ANO4: variants seen among roughly 807,000 people sequenced by gnomAD.
The protein encoded by ANO4 is anoctamin 4.
Under a neutral mutation model 141.9 loss-of-function variants are expected in ANO4, and 69 were observed. That is an observed-to-expected ratio of 0.49 (90% CI 0.40 to 0.59). ANO4 has a LOEUF of 0.59. Ranked by LOEUF, ANO4 falls within the 20% of genes least tolerant of loss-of-function variation. The probability of loss-of-function intolerance (pLI) is 0.00; values close to 1 mark genes in which losing one functional copy is unlikely to be tolerated. For missense variants in ANO4, 894 were observed against 1,162.2 expected, an observed-to-expected ratio of 0.77 and a Z score of 3.36; for synonymous variants, 350 against 394.3, an observed-to-expected ratio of 0.89 and a Z score of 1.33.
At chr12:101,112,232 C>T (rs1284595395) in intron 24 of ANO4, among the ~76,000 whole-genome samples, 1 of 152,092 alleles carries the variant, frequency 6.6e-6, no homozygotes, top group Non-Finnish European at 1.5e-5. Flanking sequence ...AAGTGAATGA[C>T]TTTTTCATGG....
chr12:100,738,556 A>G (rs1021031561), intron 2 of ANO4, among the ~76,000 whole-genome samples: 3 of 152,206 alleles, frequency 2.0e-5, no homozygotes, highest in African/African-American at 4.8e-5. Context: ...CTATAATTTT[A>G]TATAAGAAAT....
chr12:101,072,977 C>G (rs1352172032), intron 14 of ANO4, among the ~76,000 whole-genome samples: 1 of 152,224 alleles, frequency 6.6e-6, no homozygotes, highest in African/African-American at 2.4e-5. Flanking sequence ...CGCTTTTACA[C>G]TGTTCATGGG....
At chr12:100,828,408 C>T (rs2036472746) in intron 1 of ANO4, among the ~76,000 whole-genome samples, 1 of 151,994 alleles carries the variant, frequency 6.6e-6, no homozygotes, top group Admixed American at 6.6e-5. Flanking sequence ...TTTCCCCATC[C>T]TTTAGCATTT....
chr12:100,825,682 G>C (rs1431032472), intron 1 of ANO4, among the ~76,000 whole-genome samples: 2 of 151,988 alleles, frequency 1.3e-5, no homozygotes, highest in African/African-American at 4.8e-5. Context: ...TCCCAGCTTG[G>C]TGTGAAAATT....
At chr12:101,101,103 T>G (rs1004921029) in intron 22 of ANO4, among the ~76,000 whole-genome samples, 6 of 152,196 alleles carry the variant, frequency 3.9e-5, no homozygotes, top group Non-Finnish European at 8.8e-5. Flanking sequence ...AAAGCCTTCT[T>G]TATTTCTAGA....
chr12:101,027,656 C>A (rs529446557), intron 9 of ANO4, among the ~76,000 whole-genome samples: 1 of 152,280 alleles, frequency 6.6e-6, no homozygotes, highest in Non-Finnish European at 1.5e-5. Flanking sequence ...TATGGTGGGG[C>A]TTCCCTACAG....
At chr12:100,816,203 T>A (rs1397716354) in intron 1 of ANO4, among the ~76,000 whole-genome samples, 1 of 152,072 alleles carries the variant, frequency 6.6e-6, no homozygotes, top group Non-Finnish European at 1.5e-5. Context: ...ATCTCTGTCC[T>A]TATGGAGTCT....
At chr12:100,802,821 C>T (rs1277236737) in intron 1 of ANO4, among the ~76,000 whole-genome samples, 1 of 152,168 alleles carries the variant, frequency 6.6e-6, no homozygotes, top group Admixed American at 6.6e-5. Context: ...CTGCTATTAT[C>T]TTCACATTTG....
At chr12:100,799,704 G>T (rs1002095966) in intron 1 of ANO4, among the ~76,000 whole-genome samples, 8 of 152,116 alleles carry the variant, frequency 5.3e-5, no homozygotes, top group African/African-American at 1.7e-4. Flanking sequence ...TTGCGCCATT[G>T]CACTCCAGCC....
At chr12:100,937,426 G>A (rs1419881253) in intron 3 of ANO4, among the ~76,000 whole-genome samples, 3 of 152,168 alleles carry the variant, frequency 2.0e-5, no homozygotes, top group Non-Finnish European at 4.4e-5. Context: ...ACATCCAGTG[G>A]TCAGGGAAGT....
chr12:100,815,105 G>T (rs1392697285), intron 1 of ANO4, among the ~76,000 whole-genome samples: 1 of 152,018 alleles, frequency 6.6e-6, no homozygotes, highest in Non-Finnish European at 1.5e-5. Flanking sequence ...AAGTGATGGT[G>T]GGGGGAATGG....
chr12:101,038,277 C>A (rs1368132685), intron 10 of ANO4: 2 of 152,204 alleles, frequency 1.3e-5, no homozygotes, highest in African/African-American at 4.8e-5. Flanking sequence ...CATGTGGCTT[C>A]ATCATGTCAT....
chr12:100,806,523 C>CTTTTTT (rs1593379234), intron 1 of ANO4, among the ~76,000 whole-genome samples: 2,871 of 44,924 alleles, frequency 0.064, 842 homozygotes, highest in Non-Finnish European at 0.082. Flanking sequence ...TTTTTTGTTT[C>CTTTTTT]GTTTTTTTTT....
At chr12:100,781,992 G>T (rs574372770) in intron 3 of ANO4, among the ~76,000 whole-genome samples, 1 of 152,102 alleles carries the variant, frequency 6.6e-6, no homozygotes, top group Non-Finnish European at 1.5e-5. Context: ...TTGGCAATCT[G>T]GAAACTGTTC....
intron 1 of ANO4, among the ~76,000 whole-genome samples, chr12:100,888,179 T>G (rs1273103425): frequency 6.6e-6 from 1 of 152,202 alleles, no homozygotes; most frequent in Non-Finnish European, 1.5e-5. Flanking sequence ...TTGAGAACCT[T>G]ACAAGGAGGT....
At chr12:100,822,078 T>G (rs1356210220) in intron 1 of ANO4, among the ~76,000 whole-genome samples, 2 of 151,944 alleles carry the variant, frequency 1.3e-5, no homozygotes, top group Admixed American at 6.6e-5. Flanking sequence ...AATAGAATCT[T>G]ACTTTACTCT....
intron 5 of ANO4, among the ~76,000 whole-genome samples, chr12:100,952,780 A>G (rs1312827388): frequency 2.0e-5 from 3 of 152,088 alleles, no homozygotes; most frequent in Non-Finnish European, 1.5e-5. Flanking sequence ...CGGTTTAAAG[A>G]TCTAAGGGCC....
chr12:100,927,752 T>C (rs1315184212), intron 3 of ANO4, among the ~76,000 whole-genome samples: 1 of 152,094 alleles, frequency 6.6e-6, no homozygotes, highest in Non-Finnish European at 1.5e-5. Flanking sequence ...CCCACCCCTC[T>C]TGTTTTGCTC....
In ANO4 at chr12:100,989,810, G is replaced by T. The variant is rs2044991095; in HGVS notation, c.734+2140G>T. The stretch of plus-strand genomic sequence containing the variant: ...GGATGGATGGATGGATAGATGGATG[G>T]ATAGTGTATATGGATAGGTCACTGA... On this transcript the variant is annotated intron_variant, in intron 8 of 27. Coordinates refer to ENST00000392977, the MANE Select transcript of ANO4 (RefSeq NM_001286615.2). Among the ~76,000 whole-genome samples the T allele has an allele frequency of 4.0e-5, 6 of 150,046 alleles. No homozygotes were observed. In the South Asian group the frequency reaches 1.3e-3, roughly 32 times the overall value.
Sources: allele counts gnomAD v4.1 joint callset (sites outside exome capture counted in the v4.1 genomes callset), GRCh38; gene constraint gnomAD v4.1.1; transcripts MANE v1.5; gene names NCBI Gene and HGNC (gene_info 2026-07-23, HGNC 2026-07-21).